DLGAP2: variants seen among roughly 807,000 people sequenced by gnomAD.
The protein encoded by DLGAP2 is DLG associated protein 2.
A neutral mutation model predicts 100.3 loss-of-function variants in DLGAP2; 26 were observed. The observed-to-expected ratio is 0.26, with a 90% CI of 0.19 to 0.36. The LOEUF (loss-of-function observed/expected upper bound fraction) is 0.36. Ranked by LOEUF, DLGAP2 falls within the 10% of genes least tolerant of loss-of-function variation. The probability of loss-of-function intolerance (pLI) is 1.00; values close to 1 mark genes in which losing one functional copy is unlikely to be tolerated. For synonymous variants in DLGAP2, 886 were observed against 630.1 expected (o/e 1.41, Z -6.08); for missense variants, 1,858 against 1,453.2 (o/e 1.28, Z -4.53).
Position 866,720 on chromosome 8 carries a change from C to G in DLGAP2, c.19-41192C>G, listed in dbSNP as rs191648030. On this transcript the variant is annotated intron_variant, in intron 1 of 14. Coordinates refer to ENST00000637795, the MANE Select transcript of DLGAP2 (RefSeq NM_001346810.2). ...AGGGCCTTCTAAATACTTTCCCAGACGCTGTGTGCTGTGAGCATCAAAATA... is the reference window on the plus strand; with the variant it reads ...AGGGCCTTCTAAATACTTTCCCAGAGGCTGTGTGCTGTGAGCATCAAAATA... Among the ~76,000 whole-genome samples, 96 of 152,330 alleles carry G rather than the reference C, an allele frequency of 6.3e-4. 1 individual carries two copies. Among genetic ancestry groups the G allele is most frequent in the African/African-American group, 2.3e-3 (94 of 41,570 alleles).
intron 3 of DLGAP2, among the ~76,000 whole-genome samples, chr8:1,417,140 GCGGGGGAGACTCTGA>G: frequency 6.7e-6 from 1 of 150,146 alleles, no homozygotes; most frequent in African/African-American, 2.4e-5. Flanking sequence ...AGCGTCTGAG[GCGGGGGAGACTCTGA>G]GTGAAGGGGA....
chr8:1,151,698 C>G (rs1305426573), intron 2 of DLGAP2, among the ~76,000 whole-genome samples: 3 of 152,220 alleles, frequency 2.0e-5, no homozygotes, highest in African/African-American at 7.2e-5. Context: ...CAAAGCGGTG[C>G]TTAGGCCAAA....
At chr8:1,273,974 C>G (rs1422510777) in intron 3 of DLGAP2, among the ~76,000 whole-genome samples, 2 of 152,124 alleles carry the variant, frequency 1.3e-5, no homozygotes, top group South Asian at 4.1e-4. Context: ...AAATCAGTTC[C>G]AAACCTGAGT....
rs975832284 is a variant in DLGAP2 at position 737,740 on chromosome 8, G to T, written c.-68G>T. 13 of 375,976 alleles carry T rather than the reference G, an allele frequency of 3.5e-5. No individual in the cohort carries two copies. The highest frequency in any genetic ancestry group is 2.7e-4 in the African/African-American group (13 of 47,522). The allele number at this position is 375,976 out of a possible 1,614,324, so 23.3% of individuals were successfully genotyped here. A position where few individuals can be genotyped will look rare whatever the true frequency, so the allele number is the denominator to read the frequency against. ...TGACCCCAACCCGCGAGCCCCGGGA[G>T]CCGTCGGTCTGAGGAGGGGCCGCTT... On this transcript the variant is annotated 5_prime_UTR_variant, in exon 1 of 15. Transcript: ENST00000637795.
rs1182867053 is a variant in DLGAP2 at position 1,282,731 on chromosome 8, C to T, written c.106+23848C>T. Among the ~76,000 whole-genome samples, 24 of 136,138 alleles carry T rather than the reference C, an allele frequency of 1.8e-4. No individual in the cohort carries two copies. The East Asian group carries it at 3.3e-3, about 19-fold the overall frequency. 89.3% of individuals were successfully genotyped at this position (136,138 alleles called of 152,430 possible). A position where few individuals can be genotyped will look rare whatever the true frequency, so the allele number is the denominator to read the frequency against. On this transcript the variant is annotated intron_variant, in intron 3 of 14. Transcript: ENST00000637795. ...GTGACCTGAACCCAGCGCCCTGAAC[C>T]ATCTGGACGTGGTGTGACCTGAATC...
chr8:1,202,714 C>T (rs79375121), intron 2 of DLGAP2, among the ~76,000 whole-genome samples: 6,351 of 152,196 alleles, frequency 0.042, 416 homozygotes, highest in African/African-American at 0.14. Context: ...TACTGCCCAA[C>T]GCTTCCTCCT....
chr8:1,567,103 T>G (rs557613368), intron 6 of DLGAP2, among the ~76,000 whole-genome samples: 1 of 152,272 alleles, frequency 6.6e-6, no homozygotes, highest in Admixed American at 6.5e-5. Context: ...GGAGCAGGTG[T>G]TTGTAAGCCA....
chr8:1,312,121 C>T (rs1013339227), intron 3 of DLGAP2, among the ~76,000 whole-genome samples: 2 of 152,214 alleles, frequency 1.3e-5, no homozygotes, highest in Admixed American at 1.3e-4. Flanking sequence ...CAAGCTCGCA[C>T]AGAACATTCG....
intron 1 of DLGAP2, among the ~76,000 whole-genome samples, chr8:882,156 A>G (rs1196072229): frequency 6.6e-6 from 1 of 152,216 alleles, no homozygotes; most frequent in African/African-American, 2.4e-5. Context: ...GATGCTCCAA[A>G]TGAGACGTGA....
At chr8:1,214,299 G>A (rs1471911296) in intron 2 of DLGAP2, among the ~76,000 whole-genome samples, 2 of 152,184 alleles carry the variant, frequency 1.3e-5, no homozygotes, top group Non-Finnish European at 2.9e-5. Context: ...CAGGACAAAA[G>A]CTCACTACCT....
Position 873,643 on chromosome 8 carries a change from T to G in DLGAP2, c.19-34269T>G, listed in dbSNP as rs566805932. On this transcript the variant is annotated intron_variant, in intron 1 of 14. Coordinates refer to ENST00000637795, the MANE Select transcript of DLGAP2 (RefSeq NM_001346810.2). ...ATTCATCTTTAGCCTTTTTTTCTTATGATGTATTTGCCTGGCTTTGATATT... is the reference window on the plus strand; with the variant it reads ...ATTCATCTTTAGCCTTTTTTTCTTAGGATGTATTTGCCTGGCTTTGATATT... Among the ~76,000 whole-genome samples the G allele has an allele frequency of 9.6e-4, 147 of 152,336 alleles. 2 individuals carry two copies. The highest frequency in any genetic ancestry group is 3.5e-3 in the African/African-American group (146 of 41,586).
intron 2 of DLGAP2, among the ~76,000 whole-genome samples, chr8:1,126,749 G>A (rs1796174351): frequency 6.6e-6 from 1 of 152,128 alleles, no homozygotes; most frequent in Non-Finnish European, 1.5e-5. Flanking sequence ...GTCTCTGGAA[G>A]GAAAGATGTG....
intron 1 of DLGAP2, among the ~76,000 whole-genome samples, chr8:812,738 C>T (rs1038769826): frequency 3.3e-5 from 5 of 152,102 alleles, no homozygotes; most frequent in African/African-American, 1.2e-4. Flanking sequence ...AACAGATTAG[C>T]AATCATACGG....
chr8:966,196 C>A (rs1019941982), intron 2 of DLGAP2, among the ~76,000 whole-genome samples: 12 of 152,150 alleles, frequency 7.9e-5, no homozygotes, highest in Admixed American at 2.0e-4. Context: ...TGTGGGAATC[C>A]ATAGGAATTT....
chr8:1,360,440 G>A (rs1801957804), intron 3 of DLGAP2, among the ~76,000 whole-genome samples: 1 of 150,830 alleles, frequency 6.6e-6, no homozygotes, highest in African/African-American at 2.5e-5. Flanking sequence ...GGTGCCCTGA[G>A]TGTTTTGCCC....
rs1244151259 is a variant in DLGAP2, at chr8:1,668,732, G to C, written c.2160+54G>C. On this transcript the variant is annotated intron_variant, in intron 9 of 14. Transcript: ENST00000637795. ...CTCGCTCCACTCAGTCCTGCCAATA[G>C]CCTAGAATAAGCCAAAACCCAACCA... The C allele has an allele frequency of 2.1e-6, 3 of 1,442,626 alleles. No individual in the cohort carries two copies. The African/African-American group carries it at 4.3e-5, about 21-fold the overall frequency. 89.4% of individuals were successfully genotyped at this position (1,442,626 alleles called of 1,614,324 possible).
chr8:1,092,963 A>G (rs1318170092), intron 2 of DLGAP2, among the ~76,000 whole-genome samples: 3 of 152,152 alleles, frequency 2.0e-5, no homozygotes, highest in Admixed American at 6.5e-5. Flanking sequence ...GTAAGGAATC[A>G]TTTCACCGGA....
At chr8:1,637,680 G>A (rs1361914885) in intron 8 of DLGAP2, among the ~76,000 whole-genome samples, 3 of 152,214 alleles carry the variant, frequency 2.0e-5, no homozygotes, top group Non-Finnish European at 2.9e-5. Context: ...TATGTCGTAA[G>A]CATTTATTAA....
chr8:1,151,256 G>A (rs1012698501), intron 2 of DLGAP2, among the ~76,000 whole-genome samples: 1 of 152,128 alleles, frequency 6.6e-6, no homozygotes, highest in African/African-American at 2.4e-5. Context: ...AGATTCATAG[G>A]AGAAAAGTCA....
Sources: gnomAD v4.1 joint callset for allele counts (sites outside exome capture counted in the v4.1 genomes callset) on GRCh38, gnomAD v4.1.1 for gene constraint, MANE v1.5 for transcripts, NCBI Gene and HGNC (gene_info 2026-07-23, HGNC 2026-07-21) for gene names.